The following DDX60L variants were observed in gnomAD, a reference collection of about 807,000 sequenced individuals.
DDX60L encodes the protein probable ATP-dependent RNA helicase DDX60-like.
DDX60L carries 191 observed loss-of-function variants against 211.6 expected under a neutral mutation model. That is an observed-to-expected ratio of 0.90 (90% CI 0.80 to 1.02). DDX60L has a LOEUF of 1.02. Ranked by LOEUF, DDX60L falls within the 50% of genes least tolerant of loss-of-function variation. DDX60L has a pLI of 0.00. For missense variants in DDX60L, 2,007 were observed against 1,984.1 expected, an observed-to-expected ratio of 1.01 and a Z score of -0.22; for synonymous variants, 706 against 694.1, an observed-to-expected ratio of 1.02 and a Z score of -0.27.
rs572234429 is a variant in DDX60L, at chr4:168,439,635, A to T, written c.1294+1702T>A. Among the ~76,000 whole-genome samples the T allele has an allele frequency of 3.3e-5, 5 of 152,346 alleles. No homozygotes were observed. In the East Asian group the frequency reaches 9.6e-4, roughly 29 times the overall value. ...AAACAACAAAAATCAACCTGTCAGC[A>T]GACTATTATTAAAAATCAACAAGCC... On this transcript the variant is annotated intron_variant, in intron 10 of 37. Coordinates refer to ENST00000682922, the MANE Select transcript of DDX60L (RefSeq NM_001012967.3).
Position 168,400,845 on chromosome 4 carries a change from T to G in DDX60L, c.3472A>C (p.Arg1158=). Residue 1158 remains arginine (R), a synonymous_variant, in exon 26 of 38, where the codon AGG becomes CGG. Coordinates refer to ENST00000682922, the MANE Select transcript of DDX60L (RefSeq NM_001012967.3). ...ACTTACATCCTTTTCTGTGTCTTCC[T>G]CACTTTTTCAAGTACTTCATCTATT... ...FAIDEVLEKV[R]KTQKRITKKN... The G allele has an allele frequency of 3.1e-6, 5 of 1,612,190 alleles. No individual in the cohort carries two copies. Among genetic ancestry groups the G allele is most frequent in the Non-Finnish European group, 4.2e-6 (5 of 1,179,344 alleles).
chr4:168,420,530 G>T, intron 17 of DDX60L, 150 bp from the exon 18 acceptor site: 6 of 757,004 alleles, frequency 7.9e-6, no homozygotes, highest in Non-Finnish European at 9.9e-6. Context: ...AATGAAGTAG[G>T]GAAAAATACA....
At chr4:168,472,427 T>C in intron 3 of DDX60L, 28 bp downstream of exon 3, 1 of 1,477,674 alleles carries the variant, frequency 6.8e-7, no homozygotes, top group Non-Finnish European at 9.3e-7. Context: ...ATAGTATAGC[T>C]CCTTCTTTTT....
intron 37 of DDX60L, among the ~76,000 whole-genome samples, 177 bp from the exon 38 acceptor site, chr4:168,358,453 A>C (rs1738501216): frequency 6.6e-6 from 1 of 152,048 alleles, no homozygotes; most frequent in Non-Finnish European, 1.5e-5. Flanking sequence ...TTTACAACAT[A>C]CATCATGTAT....
At chr4:168,449,665 A>AAAAAAAAT in intron 8 of DDX60L, among the ~76,000 whole-genome samples, 1 of 28,500 alleles carries the variant, frequency 3.5e-5, no homozygotes, top group Non-Finnish European at 6.0e-5. Context: ...AAAAAAAAAA[A>AAAAAAAAT]GAAAAAAGAA....
chr4:168,368,949 T>C (rs1220933749), intron 36 of DDX60L, among the ~76,000 whole-genome samples: 1 of 152,210 alleles, frequency 6.6e-6, no homozygotes, highest in Non-Finnish European at 1.5e-5. Flanking sequence ...TAACTTGCTT[T>C]TGATTTTACA....
At chr4:168,437,897 G>A (rs13122339) in intron 10 of DDX60L, among the ~76,000 whole-genome samples, 3,749 of 151,788 alleles carry the variant, frequency 0.025, 67 homozygotes, top group Non-Finnish European at 0.043. Flanking sequence ...TTTTTGAAAC[G>A]GAGTCTCACT....
intron 20 of DDX60L, 123 bp downstream of exon 20, chr4:168,416,559 A>T: frequency 1.8e-6 from 1 of 551,732 alleles, no homozygotes. Context: ...GACGTTTCAA[A>T]GATTGGGTAA....
chr4:168,468,987 G>A (rs577073735), intron 4 of DDX60L: 3 of 152,292 alleles, frequency 2.0e-5, no homozygotes, highest in African/African-American at 7.2e-5. Flanking sequence ...GATACATATT[G>A]TGTTCACTAA....
At chr4:168,372,559 C>T (rs2149640260) in intron 35 of DDX60L, among the ~76,000 whole-genome samples, 1 of 151,826 alleles carries the variant, frequency 6.6e-6, no homozygotes, top group East Asian at 1.9e-4. Context: ...AAACCCATCT[C>T]TACTAAAAAT....
rs746201183 is a variant in DDX60L at position 168,403,985 on chromosome 4, AAAAATATT to A, written c.3327_3334del (p.Ile1110PhefsTer3). The A allele has an allele frequency of 2.1e-6, 3 of 1,461,020 alleles. No individual in the cohort carries two copies. The allele number at this position is 1,461,020 out of a possible 1,614,324, so 90.5% of individuals were successfully genotyped here. On this transcript the variant is annotated frameshift_variant, in exon 25 of 38. Coordinates refer to ENST00000682922, the MANE Select transcript of DDX60L (RefSeq NM_001012967.3). LOFTEE classifies it high-confidence loss of function. ...AAATTAAGTTTCAGTTACTTACAAA[AAAAATATT>A]GCAGGCAACTTATCCATTTGTCTTA...
chr4:168,458,744 C>T (rs1383628873), intron 5 of DDX60L, among the ~76,000 whole-genome samples: 1 of 152,184 alleles, frequency 6.6e-6, no homozygotes. Flanking sequence ...AGCAAACCAC[C>T]ATGGCACACA....
At position 168,406,601 on chromosome 4, in the gene DDX60L, C is replaced by A. The variant is rs1380159251; in HGVS notation, c.3084+1G>T. The A allele has an allele frequency of 6.3e-7, 1 of 1,579,296 alleles. No individual in the cohort carries two copies. The highest frequency in any genetic ancestry group is 2.3e-5 in the East Asian group (1 of 43,746). On this transcript the variant is annotated splice_donor_variant, in intron 23 of 37. Transcript: ENST00000682922. LOFTEE classifies it high-confidence loss of function. The stretch of plus-strand genomic sequence containing the variant: ...TGGTGAATATATATTTCTATATTTA[C>A]CTGAGCCCTGGGCCAAGTTTCCCAG...
intron 30 of DDX60L, chr4:168,380,279 C>T (rs540797453): frequency 6.5e-6 from 1 of 153,034 alleles, no homozygotes; most frequent in Non-Finnish European, 1.5e-5. Flanking sequence ...TGTGTCATCA[C>T]CCAAATTTCA....
intron 13 of DDX60L, among the ~76,000 whole-genome samples, chr4:168,427,702 T>C (rs1751685722): frequency 6.6e-6 from 1 of 152,196 alleles, no homozygotes; most frequent in African/African-American, 2.4e-5. Context: ...ACAAAGCATT[T>C]TGGGCCTCCC....
chr4:168,472,038 C>T (rs1178933471), intron 3 of DDX60L, 102 bp from the exon 4 acceptor site: 1 of 870,860 alleles, frequency 1.1e-6, no homozygotes, highest in East Asian at 2.7e-5. Context: ...TGTTGAGTAC[C>T]TCATGCCAGT....
At chr4:168,421,457 C>T (rs1330501537) in intron 17 of DDX60L, among the ~76,000 whole-genome samples, 2 of 152,120 alleles carry the variant, frequency 1.3e-5, no homozygotes, top group Admixed American at 6.5e-5. Flanking sequence ...GTGATCAAGA[C>T]CAGCCTAGCC....
At chr4:168,415,175 T>C (rs1749328284) in intron 22 of DDX60L, among the ~76,000 whole-genome samples, 2 of 152,036 alleles carry the variant, frequency 1.3e-5, no homozygotes. Context: ...ATGCATTGCA[T>C]GTCTGTATCA....
rs1751016842 is a variant in DDX60L, at chr4:168,423,718, G to A, written c.1987C>T (p.Leu663Phe). ...AVQMMKRIHSLLERYPEILEA... is the reference protein window; with the variant it reads ...AVQMMKRIHSFLERYPEILEA... ...AAAATTTCTGGGTATCTCTCCAGGA[G>A]TGAATGAATCCTTTTCATCATTTGA... is the stretch of plus-strand genomic sequence containing the variant. Residue 663 changes from leucine to phenylalanine, a missense_variant, in exon 15 of 38, where the codon CTC (leucine) becomes TTC (phenylalanine). Leu to Phe is a conservative substitution (Grantham distance 22). Coordinates refer to ENST00000682922, the MANE Select transcript of DDX60L (RefSeq NM_001012967.3). 6.2e-7 allele frequency: 1 copy of A among 1,606,916 alleles called. No individual in the cohort carries two copies. Among genetic ancestry groups the A allele is most frequent in the Non-Finnish European group, 8.5e-7 (1 of 1,177,488 alleles).
Sources: allele counts gnomAD v4.1 joint callset (sites outside exome capture counted in the v4.1 genomes callset), GRCh38; gene constraint gnomAD v4.1.1; transcripts MANE v1.5; gene names NCBI Gene and HGNC (gene_info 2026-07-23, HGNC 2026-07-21).